Variants in LRP1B observed in about 807,000 individuals in gnomAD.
LRP1B encodes low-density lipoprotein receptor-related protein 1B.
A neutral mutation model predicts 556.6 loss-of-function variants in LRP1B; 217 were observed. The ratio of observed to expected loss-of-function variants is 0.39; its 90% CI spans 0.35 to 0.44. The LOEUF (loss-of-function observed/expected upper bound fraction) is 0.44. Among genes scored for constraint, LRP1B ranks in the 20% least tolerant of loss-of-function variants. The pLI is 1.00. For missense variants in LRP1B, 5,053 were observed against 5,620.8 expected (o/e 0.90, Z 3.23); for synonymous variants, 2,047 against 1,865.8 (o/e 1.10, Z -2.50).
At chr2:140,360,907 T>G (rs1157161580) in intron 72 of LRP1B, among the ~76,000 whole-genome samples, 1 of 151,510 alleles carries the variant, frequency 6.6e-6, no homozygotes, top group East Asian at 1.9e-4. Context: ...TTTACTTCAT[T>G]TGTAAAACCA....
chr2:141,804,079 C>T (rs867720167), intron 2 of LRP1B, among the ~76,000 whole-genome samples: 1 of 152,080 alleles, frequency 6.6e-6, no homozygotes, highest in African/African-American at 2.4e-5. Flanking sequence ...GAAGTGATCA[C>T]TCCCAAAGCC....
At chr2:140,865,619 G>T (rs993391963) in intron 27 of LRP1B, among the ~76,000 whole-genome samples, 2 of 151,972 alleles carry the variant, frequency 1.3e-5, no homozygotes, top group African/African-American at 4.8e-5. Flanking sequence ...AAGGTAGAAT[G>T]TTCTCTGATC....
At chr2:140,888,772 T>G (rs531976760) in intron 23 of LRP1B, among the ~76,000 whole-genome samples, 122 of 152,070 alleles carry the variant, frequency 8.0e-4, no homozygotes, top group Non-Finnish European at 1.5e-3. Flanking sequence ...GAGACCAGCC[T>G]GGCCAACATG....
In LRP1B at chr2:140,867,630, T is replaced by G. The variant is rs766781383; in HGVS notation, c.4539A>C (p.Pro1513=). The change falls in exon 27 of 91, where the codon CCA becomes CCC. Residue 1513 remains proline, a synonymous_variant. Transcript: ENST00000389484. The part of the protein sequence containing the change: ...VSVIQKTSAQ[P]FDLQIYHPSR... Reference sequence around the variant, plus strand: ...TGGGATGGTATATCTGAAGGTCAAATGGCTGTGCACTGGTTTTCTGAATCA... The same window carrying G: ...TGGGATGGTATATCTGAAGGTCAAAGGGCTGTGCACTGGTTTTCTGAATCA... 8.7e-6 allele frequency: 14 copies of G among 1,613,214 alleles called. No homozygotes were observed. Among genetic ancestry groups the G allele is most frequent in the Non-Finnish European group, 1.2e-5 (14 of 1,179,480 alleles).
intron 7 of LRP1B, among the ~76,000 whole-genome samples, chr2:141,088,548 A>G (rs1700101798): frequency 6.6e-6 from 1 of 152,294 alleles, no homozygotes; most frequent in South Asian, 2.1e-4. Flanking sequence ...GTTCGGGGCC[A>G]CAGGCAGATA....
intron 2 of LRP1B, among the ~76,000 whole-genome samples, chr2:141,533,452 C>T (rs1684961228): frequency 6.6e-6 from 1 of 152,158 alleles, no homozygotes; most frequent in African/African-American, 2.4e-5. Flanking sequence ...CTCCATTTGG[C>T]ACACAGGTGC....
intron 55 of LRP1B, among the ~76,000 whole-genome samples, chr2:140,499,066 T>C (rs1689070782): frequency 6.6e-6 from 1 of 151,946 alleles, no homozygotes; most frequent in Non-Finnish European, 1.5e-5. Context: ...CACTTCTTTC[T>C]ACGGCTTCTT....
At chr2:142,112,846 A>G (rs1050627184) in intron 1 of LRP1B, among the ~76,000 whole-genome samples, 3 of 152,156 alleles carry the variant, frequency 2.0e-5, no homozygotes, top group Admixed American at 6.6e-5. Context: ...TTGCTAGCCA[A>G]TGGGTGTATT....
At chr2:140,885,311 G>A (rs1159016903) in intron 24 of LRP1B, among the ~76,000 whole-genome samples, 1 of 151,688 alleles carries the variant, frequency 6.6e-6, no homozygotes, top group African/African-American at 2.4e-5. Context: ...AATGGTACAT[G>A]GGTGCAACAT....
intron 1 of LRP1B, among the ~76,000 whole-genome samples, chr2:142,124,978 G>A (rs1707586333): frequency 6.6e-6 from 1 of 151,602 alleles, no homozygotes; most frequent in Non-Finnish European, 1.5e-5. Context: ...GGTTTAGTCA[G>A]GGAGCTCAGT....
At chr2:141,492,459 A>G (rs1382875838) in intron 2 of LRP1B, among the ~76,000 whole-genome samples, 1 of 152,170 alleles carries the variant, frequency 6.6e-6, no homozygotes, top group Non-Finnish European at 1.5e-5. Context: ...CAGTATATGC[A>G]GACAATGTGT....
At chr2:140,707,737 T>G (rs1332774321) in intron 37 of LRP1B, among the ~76,000 whole-genome samples, 1 of 152,168 alleles carries the variant, frequency 6.6e-6, no homozygotes, top group African/African-American at 2.4e-5. Context: ...TTTCTTTTTC[T>G]TCATTTACGT....
intron 3 of LRP1B, among the ~76,000 whole-genome samples, chr2:141,446,243 T>A (rs1334397835): frequency 6.6e-6 from 1 of 152,194 alleles, no homozygotes; most frequent in East Asian, 1.9e-4. Flanking sequence ...CTGCTCTTTT[T>A]TTTGCTTTTG....
At chr2:140,848,654 T>G (rs539913787) in intron 29 of LRP1B, among the ~76,000 whole-genome samples, 213 of 152,332 alleles carry the variant, frequency 1.4e-3, no homozygotes, top group Non-Finnish European at 2.1e-3. Flanking sequence ...GATTACTGAT[T>G]ACTCTTTTCT....
chr2:140,769,440 A>G (rs1449356237), intron 34 of LRP1B, 96 bp from the exon 35 acceptor site: 7 of 1,284,372 alleles, frequency 5.5e-6, no homozygotes, highest in Admixed American at 2.7e-5. Flanking sequence ...AACAATCTTA[A>G]TTTATGTTAA....
intron 2 of LRP1B, among the ~76,000 whole-genome samples, chr2:141,674,528 C>T (rs910091089): frequency 2.0e-5 from 3 of 152,002 alleles, no homozygotes; most frequent in Admixed American, 6.6e-5. Flanking sequence ...TATTCCTTCA[C>T]ACTGGAAACA....
At chr2:141,765,041 T>G (rs1574335888) in intron 2 of LRP1B, among the ~76,000 whole-genome samples, 1 of 152,148 alleles carries the variant, frequency 6.6e-6, no homozygotes, top group East Asian at 1.9e-4. Flanking sequence ...AGCTCTTTAG[T>G]AATAAGACAT....
chr2:142,018,648 T>G (rs1477499622), intron 1 of LRP1B, among the ~76,000 whole-genome samples: 13 of 152,154 alleles, frequency 8.5e-5, no homozygotes, highest in African/African-American at 2.9e-4. Flanking sequence ...ATAAAAAATT[T>G]TATTTGCAAA....
intron 7 of LRP1B, among the ~76,000 whole-genome samples, chr2:141,081,464 G>T (rs1034810850): frequency 6.6e-6 from 1 of 152,130 alleles, no homozygotes; most frequent in Admixed American, 6.5e-5. Flanking sequence ...CCTCTCTTAC[G>T]CACTTCGTGT....
Sources: allele counts gnomAD v4.1 joint callset (sites outside exome capture counted in the v4.1 genomes callset), GRCh38; gene constraint gnomAD v4.1.1; transcripts MANE v1.5; gene names NCBI Gene and HGNC (gene_info 2026-07-23, HGNC 2026-07-21).